The following NRP2 variants were observed in gnomAD, a reference collection of about 807,000 sequenced individuals.
The protein encoded by NRP2 is neuropilin-2.
Under a neutral mutation model 110.4 loss-of-function variants are expected in NRP2, and 52 were observed. The ratio of observed to expected loss-of-function variants is 0.47; its 90% CI spans 0.38 to 0.59. NRP2 has a LOEUF of 0.59. Ranked by LOEUF, NRP2 falls within the 20% of genes least tolerant of loss-of-function variation. NRP2 has a pLI of 0.00. For synonymous variants in NRP2, 508 were observed against 468.9 expected (o/e 1.08, Z -1.08); for missense variants, 1,049 against 1,203.0 (o/e 0.87, Z 1.89).
intron 15 of NRP2, among the ~76,000 whole-genome samples, chr2:205,788,971 G>A (rs886391875): frequency 6.6e-6 from 1 of 152,056 alleles, no homozygotes; most frequent in Non-Finnish European, 1.5e-5. Context: ...TCCTGCTCTG[G>A]GTGATGCCTG....
chr2:205,784,602 C>T (rs2058215504), intron 15 of NRP2, among the ~76,000 whole-genome samples: 2 of 152,146 alleles, frequency 1.3e-5, no homozygotes, highest in African/African-American at 4.8e-5. Flanking sequence ...GGGTCCTGGG[C>T]CCACAAACCC....
chr2:205,749,597 G>A, intron 10 of NRP2, 128 bp from the exon 11 acceptor site: 1 of 761,048 alleles, frequency 1.3e-6, no homozygotes, highest in Non-Finnish European at 2.3e-6. Flanking sequence ...ACACAGACAT[G>A]ACTTCAGAGT....
At position 205,697,702 on chromosome 2, in the gene NRP2, A is replaced by G; in HGVS notation, c.232A>G (p.Ile78Val). The G allele has an allele frequency of 6.2e-7, 1 of 1,613,966 alleles. No individual in the cohort carries two copies. Among genetic ancestry groups the G allele is most frequent in the South Asian group, 1.1e-5 (1 of 91,054 alleles). The part of the protein sequence containing the change: ...IVLNFNPHFE[I>V]EKHDCKYDFI... ...CCTCAACTTCAACCCTCACTTTGAA[A>G]TCGAGAAGCACGACTGCAAGTAAGC... The change falls in exon 2 of 17, where the codon ATC becomes GTC. Residue 78 changes from isoleucine to valine, a missense_variant. Physicochemically the swap from Ile to Val is conservative, Grantham distance 29. Transcript: ENST00000357785.
chr2:205,749,679 C>T (rs1476511212), intron 10 of NRP2, 46 bp from the exon 11 acceptor site: 1 of 1,500,280 alleles, frequency 6.7e-7, no homozygotes, highest in Non-Finnish European at 9.3e-7. Context: ...TGGGTTGCAA[C>T]ACAGGCTGCT....
At chr2:205,708,185 T>C (rs2056722780) in intron 2 of NRP2, among the ~76,000 whole-genome samples, 1 of 152,210 alleles carries the variant, frequency 6.6e-6, no homozygotes, top group Non-Finnish European at 1.5e-5. Context: ...GAGGATTTTA[T>C]AGACACAGAG....
intron 1 of NRP2, among the ~76,000 whole-genome samples, chr2:205,689,516 T>C (rs529893825): frequency 2.0e-4 from 31 of 152,326 alleles, no homozygotes; most frequent in African/African-American, 7.0e-4. Context: ...TTGTGGTAAG[T>C]TGATTTTTAT....
chr2:205,696,256 G>C (rs2056423667), intron 1 of NRP2, among the ~76,000 whole-genome samples: 1 of 152,160 alleles, frequency 6.6e-6, no homozygotes, highest in African/African-American at 2.4e-5. Context: ...GAATAGTAAA[G>C]TGCACCTGTA....
At chr2:205,747,004 T>C (rs919404260) in intron 10 of NRP2, among the ~76,000 whole-genome samples, 1 of 152,158 alleles carries the variant, frequency 6.6e-6, no homozygotes, top group Non-Finnish European at 1.5e-5. Flanking sequence ...CAAAGTTCCC[T>C]GCAGCCTGCT....
intron 1 of NRP2, among the ~76,000 whole-genome samples, chr2:205,694,716 G>A (rs2056387203): frequency 6.6e-6 from 1 of 152,180 alleles, no homozygotes; most frequent in African/African-American, 2.4e-5. Flanking sequence ...GGATGGTATA[G>A]CTCTTCAGAA....
Position 205,683,265 on chromosome 2 carries a change from C to T in NRP2, c.-26C>T. ...TTAAACAAGAAACCTACGAACCCAG[C>T]TCTGGAAAGAGCCACCTTCTCCAAA... On this transcript the variant is annotated 5_prime_UTR_variant, in exon 1 of 17. Coordinates refer to ENST00000357785, the MANE Select transcript of NRP2 (RefSeq NM_003872.3). 6.4e-7 allele frequency: 1 copy of T among 1,565,844 alleles called. No homozygotes were observed. The highest frequency in any genetic ancestry group is 1.1e-5 in the South Asian group (1 of 89,642).
chr2:205,753,329 G>A (rs954349495), intron 12 of NRP2, among the ~76,000 whole-genome samples: 1 of 152,218 alleles, frequency 6.6e-6, no homozygotes, highest in African/African-American at 2.4e-5. Flanking sequence ...TTATCACAGA[G>A]CCCCTTGTCA....
intron 15 of NRP2, among the ~76,000 whole-genome samples, chr2:205,770,745 T>C (rs1246448652): frequency 1.3e-5 from 2 of 152,112 alleles, no homozygotes; most frequent in Non-Finnish European, 2.9e-5. Context: ...GCAGCTGTAG[T>C]GTGTGAATCC....
chr2:205,722,554 A>G lies in NRP2; in HGVS notation c.510A>G (p.Pro170=). Reference sequence around the variant, plus strand: ...CTCCTGGGTTTCCTGAGAAGTATCCACACAACTTGGACTGCACCTTTACCA... The same window carrying G: ...CTCCTGGGTTTCCTGAGAAGTATCCGCACAACTTGGACTGCACCTTTACCA... ...IESPGFPEKY[P]HNLDCTFTIL... is the part of the protein sequence containing the mutation. Residue 170 remains proline (P), a synonymous_variant, in exon 4 of 17, where the codon CCA becomes CCG. Transcript: ENST00000357785. 1 of 1,614,224 alleles carries G rather than the reference A, an allele frequency of 6.2e-7. No homozygotes were observed. The highest frequency in any genetic ancestry group is 8.5e-7 in the Non-Finnish European group (1 of 1,180,046).
At chr2:205,766,382 CT>C (rs1396927893) in intron 14 of NRP2, among the ~76,000 whole-genome samples, 1 of 152,202 alleles carries the variant, frequency 6.6e-6, no homozygotes, top group Non-Finnish European at 1.5e-5. Context: ...CACACGACCC[CT>C]GGTGTGTGTG....
intron 15 of NRP2, among the ~76,000 whole-genome samples, chr2:205,770,695 G>T (rs1366922107): frequency 1.3e-5 from 2 of 152,208 alleles, no homozygotes; most frequent in Non-Finnish European, 2.9e-5. Flanking sequence ...CTGATGAAAG[G>T]CAGAGAAGTG....
rs2058342699 is a variant in NRP2, at chr2:205,795,332, G to A, written c.*274G>A. The A allele has an allele frequency of 2.8e-6, 1 of 353,656 alleles. No individual in the cohort carries two copies. Among genetic ancestry groups the A allele is most frequent in the South Asian group, 3.4e-5 (1 of 29,356 alleles). 21.9% of individuals were successfully genotyped at this position (353,656 alleles called of 1,614,324 possible). On this transcript the variant is annotated 3_prime_UTR_variant, in exon 17 of 17. Transcript: ENST00000357785. ...ACAAAACAGGAGCTCATCTCTTTGG[G>A]GTCACAGTTCTATTTTGTTTGTGAG...
intron 16 of NRP2, among the ~76,000 whole-genome samples, chr2:205,794,121 T>G (rs1184693300): frequency 6.6e-6 from 1 of 152,144 alleles, no homozygotes; most frequent in African/African-American, 2.4e-5. Flanking sequence ...TATTTATTTA[T>G]TTTTTTGGAG....
intron 10 of NRP2, among the ~76,000 whole-genome samples, chr2:205,748,102 C>A (rs567699959): frequency 6.6e-6 from 1 of 152,278 alleles, no homozygotes; most frequent in African/African-American, 2.4e-5. Context: ...TTCATTTACA[C>A]GCCCTGCCCT....
intron 10 of NRP2, among the ~76,000 whole-genome samples, chr2:205,747,384 CT>C (rs2057557178): frequency 6.6e-6 from 1 of 152,156 alleles, no homozygotes; most frequent in Admixed American, 6.5e-5. Context: ...GGACAATAGT[CT>C]GTCTACCCCA....
Sources: allele counts gnomAD v4.1 joint callset (sites outside exome capture counted in the v4.1 genomes callset), GRCh38; gene constraint gnomAD v4.1.1; transcripts MANE v1.5; gene names NCBI Gene and HGNC (gene_info 2026-07-23, HGNC 2026-07-21).